The following RUFY3 variants were observed in gnomAD, a reference collection of about 807,000 sequenced individuals.
The protein encoded by RUFY3 is protein RUFY3.
Under a neutral mutation model 84.0 loss-of-function variants are expected in RUFY3, and 34 were observed. The observed-to-expected ratio is 0.40, with a 90% CI of 0.31 to 0.54. The LOEUF is 0.54. RUFY3 is among the 20% of genes least tolerant of loss of function. The probability of loss-of-function intolerance (pLI) is 0.39; values close to 1 mark genes in which losing one functional copy is unlikely to be tolerated. For synonymous variants in RUFY3, 242 were observed against 252.9 expected (o/e 0.96, Z 0.41); for missense variants, 507 against 736.8 (o/e 0.69, Z 3.61).
At chr4:70,755,444 C>T (rs567118513) in intron 1 of RUFY3, among the ~76,000 whole-genome samples, 130 of 152,222 alleles carry the variant, frequency 8.5e-4, no homozygotes, top group African/African-American at 2.9e-3. Flanking sequence ...GAACATTAGT[C>T]ATTGCATTAT....
intron 1 of RUFY3, among the ~76,000 whole-genome samples, chr4:70,707,426 A>G (rs1215402731): frequency 3.9e-5 from 6 of 152,086 alleles, no homozygotes; most frequent in African/African-American, 1.4e-4. Context: ...TAGTATTTTT[A>G]GTAGAGACGA....
chr4:70,733,111 AGAGAGAGAGG>A (rs1315482675), intron 1 of RUFY3, among the ~76,000 whole-genome samples: 1 of 88,076 alleles, frequency 1.1e-5, no homozygotes, highest in African/African-American at 4.9e-5. Flanking sequence ...AGAGAGAGAG[AGAGAGAGAGG>A]GAGGGAGGGA....
At chr4:70,794,962 T>C in intron 14 of RUFY3, 68 bp downstream of exon 14, 2 of 1,035,194 alleles carry the variant, frequency 1.9e-6, no homozygotes, top group Non-Finnish European at 1.5e-6. Context: ...ACCTTGATAG[T>C]CCTGTCAGTT....
intron 1 of RUFY3, among the ~76,000 whole-genome samples, chr4:70,711,878 C>G (rs1397460397): frequency 6.6e-6 from 1 of 152,240 alleles, no homozygotes; most frequent in East Asian, 1.9e-4. Context: ...CCTGAACTCT[C>G]ACAGTTTGTC....
intron 1 of RUFY3, among the ~76,000 whole-genome samples, chr4:70,714,859 G>A (rs1741389937): frequency 6.6e-6 from 1 of 152,188 alleles, no homozygotes; most frequent in Non-Finnish European, 1.5e-5. Flanking sequence ...ATAGCTTTAC[G>A]TCTGTGTAAA....
At chr4:70,794,381 G>C (rs1456707540) in intron 13 of RUFY3, among the ~76,000 whole-genome samples, 2 of 152,192 alleles carry the variant, frequency 1.3e-5, no homozygotes, top group Non-Finnish European at 2.9e-5. Context: ...AGGAGTTCCA[G>C]ACCAGCCTGG....
chr4:70,800,295 C>T (rs953140891), intron 15 of RUFY3, 90 bp downstream of exon 15: 11 of 831,796 alleles, frequency 1.3e-5, no homozygotes, highest in South Asian at 5.4e-5. Context: ...GCATTGACAC[C>T]GACCAGACAC....
intron 12 of RUFY3, chr4:70,792,607 T>C: frequency 1.0e-6 from 1 of 985,442 alleles, no homozygotes; most frequent in South Asian, 4.7e-5. Context: ...TTCTCTTTTT[T>C]TCATTCTGGT....
chr4:70,793,338 T>C, intron 12 of RUFY3: 1 of 1,012,318 alleles, frequency 9.9e-7, no homozygotes, highest in Admixed American at 5.9e-5. Flanking sequence ...ATTCCACATA[T>C]AAGAAGGTAG....
chr4:70,707,458 C>G (rs1740466564), intron 1 of RUFY3, among the ~76,000 whole-genome samples: 1 of 152,170 alleles, frequency 6.6e-6, no homozygotes, highest in Non-Finnish European at 1.5e-5. Context: ...GTTGGCCAGG[C>G]TGTTATCGAA....
intron 10 of RUFY3, among the ~76,000 whole-genome samples, chr4:70,785,395 T>A (rs1344863134): frequency 6.6e-6 from 1 of 152,148 alleles, no homozygotes; most frequent in Non-Finnish European, 1.5e-5. Context: ...GAGTATATCA[T>A]CTCACTCTAA....
In RUFY3 at chr4:70,792,005, G is replaced by A. The variant is rs575294500; in HGVS notation, c.1338-1780G>A. On this transcript the variant is annotated intron_variant, in intron 12 of 17. Transcript: ENST00000381006. ...AGGTAACCTATGATAACATAATAAT[G>A]TGGACGCCTGGGGAAACCCTCCTCA... The A allele has an allele frequency of 7.1e-6, 7 of 984,884 alleles. No homozygotes were observed. In the Admixed American group the frequency reaches 3.7e-4, roughly 52 times the overall value. The allele number at this position is 984,884 out of a possible 1,614,324, so 61.0% of individuals were successfully genotyped here.
chr4:70,712,527 C>T (rs1357126522), intron 1 of RUFY3, among the ~76,000 whole-genome samples: 3 of 152,150 alleles, frequency 2.0e-5, no homozygotes, highest in Non-Finnish European at 4.4e-5. Flanking sequence ...AACATATTCA[C>T]TTGACTATAT....
At chr4:70,760,408 C>T (rs1724819598) in intron 1 of RUFY3, among the ~76,000 whole-genome samples, 1 of 152,088 alleles carries the variant, frequency 6.6e-6, no homozygotes. Context: ...AATTAATGGT[C>T]TACAGGCTTG....
chr4:70,794,966 G>T lies in RUFY3; in HGVS notation c.1557+72G>T, dbSNP rs557579648. 109 of 1,011,528 alleles carry T rather than the reference G, an allele frequency of 1.1e-4. 1 individual carries two copies. In the South Asian group the frequency reaches 1.3e-3, roughly 12 times the overall value. The allele number at this position is 1,011,528 out of a possible 1,614,324, so 62.7% of individuals were successfully genotyped here. A position where few individuals can be genotyped will look rare whatever the true frequency, so the allele number is the denominator to read the frequency against. Reference sequence around the variant, plus strand: ...TTTTAGAGGCTACCTTGATAGTCCTGTCAGTTTTCCTTTACAGATCACATA... The same window carrying T: ...TTTTAGAGGCTACCTTGATAGTCCTTTCAGTTTTCCTTTACAGATCACATA... On this transcript the variant is annotated intron_variant, in intron 14 of 17. Coordinates refer to ENST00000381006, the MANE Select transcript of RUFY3 (RefSeq NM_001037442.4).
At chr4:70,755,873 C>T (rs1192426267) in intron 1 of RUFY3, among the ~76,000 whole-genome samples, 1 of 151,760 alleles carries the variant, frequency 6.6e-6, no homozygotes, top group African/African-American at 2.4e-5. Context: ...ATGGCGTGAA[C>T]CTGGGAGGCG....
intron 14 of RUFY3, among the ~76,000 whole-genome samples, chr4:70,797,537 T>C (rs925495178): frequency 6.6e-6 from 1 of 152,082 alleles, no homozygotes. Flanking sequence ...CTACTAATAA[T>C]TTAAAGTGTA....
At chr4:70,712,858 A>T (rs1004424097) in intron 1 of RUFY3, among the ~76,000 whole-genome samples, 1 of 152,250 alleles carries the variant, frequency 6.6e-6, no homozygotes, top group Non-Finnish European at 1.5e-5. Context: ...TTTACAGGAC[A>T]TCACACCTAT....
intron 1 of RUFY3, chr4:70,741,622 C>G (rs1235343412): frequency 1.3e-6 from 2 of 1,518,924 alleles, no homozygotes; most frequent in Non-Finnish European, 1.8e-6. Context: ...TTGCCGTTTG[C>G]AAAGACTCTT....
Sources: allele counts gnomAD v4.1 joint callset (sites outside exome capture counted in the v4.1 genomes callset), GRCh38; gene constraint gnomAD v4.1.1; transcripts MANE v1.5; gene names NCBI Gene and HGNC (gene_info 2026-07-23, HGNC 2026-07-21).